The following TBL1XR1 variants were observed in gnomAD, a reference collection of about 807,000 sequenced individuals.
The protein encoded by TBL1XR1 is TBL1X/Y related 1.
Under a neutral mutation model 66.9 loss-of-function variants are expected in TBL1XR1, and 5 were observed. The ratio of observed to expected loss-of-function variants is 0.07; its 90% CI spans 0.04 to 0.16. The LOEUF is 0.16. Ranked by LOEUF, TBL1XR1 falls within the 10% of genes least tolerant of loss-of-function variation. TBL1XR1 has a pLI of 1.00. For missense variants in TBL1XR1, 238 were observed against 623.2 expected (o/e 0.38, Z 6.58); for synonymous variants, 210 against 206.0 (o/e 1.02, Z -0.17).
At position 177,189,137 on chromosome 3, in the gene TBL1XR1, G is replaced by A. The variant is rs1302983218; in HGVS notation, c.-122+7984C>T. On this transcript the variant is annotated intron_variant, in intron 1 of 15. Coordinates refer to ENST00000457928, the MANE Select transcript of TBL1XR1 (RefSeq NM_024665.7). ...GCAGTAGAATCGCTTGAACCCAGGA[G>A]GTGGAGATTGCAGTGAGCCAAGATC... Among the ~76,000 whole-genome samples the A allele has an allele frequency of 2.0e-5, 3 of 152,056 alleles. No homozygotes were observed. In the East Asian group the frequency reaches 5.8e-4, roughly 29 times the overall value.
At chr3:177,135,307 CTGTGTGTGTGTG>C (rs376418228) in intron 1 of TBL1XR1, among the ~76,000 whole-genome samples, 2 of 72,596 alleles carry the variant, frequency 2.8e-5, no homozygotes, top group East Asian at 3.8e-4. Flanking sequence ...AGGCCGCACT[CTGTGTGTGTGTG>C]TGTGTGTGTG....
At chr3:177,190,392 T>TG (rs1736002046) in intron 1 of TBL1XR1, among the ~76,000 whole-genome samples, 1 of 152,178 alleles carries the variant, frequency 6.6e-6, no homozygotes, top group Non-Finnish European at 1.5e-5. Flanking sequence ...CTCAGTTCAC[T>TG]GCAGCCTCCG....
Position 177,050,104 on chromosome 3 carries a change from T to G in TBL1XR1, c.595A>C (p.Ser199Arg), listed in dbSNP as rs773011905. ...GDSTARIWNL[S>R]ENSTSGSTQL... ...GTAGAGCCACTGGTGCTGTTCTCAC[T>G]AAGATTCCATATTCTTGCTGTTGAG... The change falls in exon 7 of 16, where the codon AGT becomes CGT. Residue 199 changes from serine to arginine, a missense_variant. By Grantham distance (110) the Ser-to-Arg change is moderately radical (BLOSUM62 -1). Around this residue, in one of 8 missense-constraint regions of TBL1XR1, gnomAD observed 26 missense variants for 103.7 expected, o/e 0.25. Coordinates refer to ENST00000457928, the MANE Select transcript of TBL1XR1 (RefSeq NM_024665.7). The G allele has an allele frequency of 1.2e-6, 2 of 1,613,652 alleles. No homozygotes were observed. Among genetic ancestry groups the G allele is most frequent in the African/African-American group, 2.7e-5 (2 of 75,024 alleles).
chr3:177,195,588 AT>A (rs1736745532), intron 1 of TBL1XR1: 1 of 151,988 alleles, frequency 6.6e-6, no homozygotes, highest in Admixed American at 6.6e-5. Flanking sequence ...TGTAATCGAA[AT>A]TATTTATTCC....
intron 1 of TBL1XR1, among the ~76,000 whole-genome samples, chr3:177,133,170 C>T (rs1728501226): frequency 6.6e-6 from 1 of 152,046 alleles, no homozygotes; most frequent in Non-Finnish European, 1.5e-5. Context: ...ATCTGTAATC[C>T]CAGCTACTCA....
intron 12 of TBL1XR1, among the ~76,000 whole-genome samples, chr3:177,035,071 G>T (rs1387666359): frequency 6.6e-6 from 1 of 152,130 alleles, no homozygotes; most frequent in African/African-American, 2.4e-5. Flanking sequence ...ACATTTCCGT[G>T]ACATAACCAT....
At chr3:177,047,448 G>T (rs576849224) in intron 8 of TBL1XR1, 38 bp downstream of exon 8, 7 of 1,607,894 alleles carry the variant, frequency 4.4e-6, no homozygotes, top group Non-Finnish European at 5.9e-6. Flanking sequence ...TCTATCTTTA[G>T]ATCAACAACA....
At chr3:177,089,379 T>A (rs1230827474) in intron 2 of TBL1XR1, among the ~76,000 whole-genome samples, 1 of 152,034 alleles carries the variant, frequency 6.6e-6, no homozygotes, top group African/African-American at 2.4e-5. Context: ...ACTGCCTAAC[T>A]CCCAGACTAA....
At chr3:177,103,787 T>C (rs1369109800) in intron 1 of TBL1XR1, among the ~76,000 whole-genome samples, 1 of 152,170 alleles carries the variant, frequency 6.6e-6, no homozygotes, top group Non-Finnish European at 1.5e-5. Flanking sequence ...TCTGGTATCC[T>C]TAAAAAATAA....
rs1712220225 is a variant in TBL1XR1 at position 177,020,553 on chromosome 3, G to C, written c.*4945C>G. 1 of 152,114 alleles carries C rather than the reference G, an allele frequency of 6.6e-6. No homozygotes were observed. The highest frequency in any genetic ancestry group is 2.1e-4 in the South Asian group (1 of 4,828). 9.4% of individuals were successfully genotyped at this position (152,114 alleles called of 1,614,324 possible). ...ATTAATCAGTAACACCAGTATGGGA[G>C]AGAATGAATGTGTTATAGGTTATGA... On this transcript the variant is annotated 3_prime_UTR_variant, in exon 16 of 16. Transcript: ENST00000457928.
intron 1 of TBL1XR1, chr3:177,196,220 G>C (rs1160161907): frequency 6.6e-6 from 1 of 152,066 alleles, no homozygotes; most frequent in East Asian, 1.9e-4. Flanking sequence ...TTAAATAAAA[G>C]TCTGCTTCTG....
At chr3:177,121,793 C>G (rs1297320294) in intron 1 of TBL1XR1, among the ~76,000 whole-genome samples, 1 of 151,982 alleles carries the variant, frequency 6.6e-6, no homozygotes, top group African/African-American at 2.4e-5. Context: ...TTAAGGCTAC[C>G]TTCATGTCTG....
At position 177,025,253 on chromosome 3, in the gene TBL1XR1, C is replaced by G; in HGVS notation, c.*245G>C. The G allele has an allele frequency of 2.5e-6, 1 of 405,214 alleles. No individual in the cohort carries two copies. The highest frequency in any genetic ancestry group is 9.5e-5 in the South Asian group (1 of 10,510). 25.1% of individuals were successfully genotyped at this position (405,214 alleles called of 1,614,324 possible). On this transcript the variant is annotated 3_prime_UTR_variant, in exon 16 of 16. Coordinates refer to ENST00000457928, the MANE Select transcript of TBL1XR1 (RefSeq NM_024665.7). ...TTTTCATATCCAAAACTTCTAAATGCTATTTTAGGGGCACAGCAGATTAGA... is the reference window on the plus strand; with the variant it reads ...TTTTCATATCCAAAACTTCTAAATGGTATTTTAGGGGCACAGCAGATTAGA...
At chr3:177,106,417 G>A (rs1724895541) in intron 1 of TBL1XR1, among the ~76,000 whole-genome samples, 1 of 152,192 alleles carries the variant, frequency 6.6e-6, no homozygotes, top group Admixed American at 6.5e-5. Context: ...GCACTCAAGT[G>A]TATTATCAGC....
chr3:177,055,552 G>T (rs1313311027), intron 3 of TBL1XR1, among the ~76,000 whole-genome samples: 1 of 150,276 alleles, frequency 6.7e-6, no homozygotes. Flanking sequence ...CGGGGGGCGG[G>T]GCGGGGGTGG....
intron 1 of TBL1XR1, among the ~76,000 whole-genome samples, chr3:177,139,845 C>T: frequency 6.6e-6 from 1 of 152,186 alleles, no homozygotes; most frequent in South Asian, 2.1e-4. Flanking sequence ...ACATTAAAAA[C>T]AAATTAAAAA....
chr3:177,082,288 G>GTATTTGT (rs1721490872), intron 2 of TBL1XR1, among the ~76,000 whole-genome samples: 2 of 151,828 alleles, frequency 1.3e-5, no homozygotes, highest in African/African-American at 4.8e-5. Context: ...ATTTTTGGTT[G>GTATTTGT]CTAGAAAAAT....
At chr3:177,172,165 G>A (rs1560259422) in intron 1 of TBL1XR1, among the ~76,000 whole-genome samples, 1 of 151,214 alleles carries the variant, frequency 6.6e-6, no homozygotes, top group South Asian at 2.1e-4. Context: ...GGAGGCTGAA[G>A]CAGGAAAATC....
chr3:177,136,483 T>A (rs1326795384), intron 1 of TBL1XR1, among the ~76,000 whole-genome samples: 1 of 152,174 alleles, frequency 6.6e-6, no homozygotes, highest in Admixed American at 6.5e-5. Context: ...TTTCACCACG[T>A]TGGCCAGACT....
Sources: gnomAD v4.1 joint callset for allele counts (sites outside exome capture counted in the v4.1 genomes callset) on GRCh38, gnomAD v4.1.1 for gene constraint, gnomAD v4.1.1 regional missense constraint, MANE v1.5 for transcripts, NCBI Gene and HGNC (gene_info 2026-07-23, HGNC 2026-07-21) for gene names.